FER: variants seen among roughly 807,000 people sequenced by gnomAD.
FER encodes FER tyrosine kinase.
In FER, 63 loss-of-function variants were observed where a neutral mutation model predicts 111.0. The observed-to-expected ratio is 0.57, with a 90% CI of 0.46 to 0.70. The LOEUF is 0.70. Ranked by LOEUF, FER falls within the 30% of genes least tolerant of loss-of-function variation. FER has a pLI of 0.00. For synonymous variants in FER, 327 were observed against 313.9 expected, an observed-to-expected ratio of 1.04 and a Z score of -0.44; for missense variants, 914 against 954.0, an observed-to-expected ratio of 0.96 and a Z score of 0.55.
chr5:109,182,642 T>G (rs1306966410), intron 18 of FER, among the ~76,000 whole-genome samples: 1 of 152,208 alleles, frequency 6.6e-6, no homozygotes, highest in South Asian at 2.1e-4. Context: ...TCTGCCAGAT[T>G]CTCTGTGTTA....
At chr5:109,088,179 C>T (rs528921361) in intron 16 of FER, among the ~76,000 whole-genome samples, 1 of 151,988 alleles carries the variant, frequency 6.6e-6, no homozygotes, top group East Asian at 1.9e-4. Context: ...AGAGAGAAAG[C>T]ATTTGATTCT....
At chr5:108,905,735 T>C (rs1311233654) in intron 10 of FER, among the ~76,000 whole-genome samples, 1 of 152,184 alleles carries the variant, frequency 6.6e-6, no homozygotes, top group African/African-American at 2.4e-5. Context: ...TTTTTTAAAC[T>C]TGTGTTTAGC....
chr5:109,144,393 G>A (rs1186635861), intron 17 of FER, among the ~76,000 whole-genome samples: 1 of 152,044 alleles, frequency 6.6e-6, no homozygotes, highest in South Asian at 2.1e-4. Flanking sequence ...TGGCTTCCTT[G>A]AGATCTGAGT....
intron 10 of FER, among the ~76,000 whole-genome samples, chr5:108,898,403 T>A (rs911307125): frequency 3.9e-5 from 6 of 152,082 alleles, no homozygotes; most frequent in Admixed American, 2.0e-4. Context: ...AAAGTCTTTC[T>A]TCTTCTCTCC....
chr5:109,034,198 G>GT (rs949090872), intron 13 of FER, among the ~76,000 whole-genome samples: 4 of 151,896 alleles, frequency 2.6e-5, no homozygotes, highest in African/African-American at 9.7e-5. Context: ...CTGTTCTTTT[G>GT]TTTTTTTCTG....
At chr5:108,974,248 T>G (rs1196690403) in intron 13 of FER, among the ~76,000 whole-genome samples, 2 of 152,108 alleles carry the variant, frequency 1.3e-5, no homozygotes, top group Non-Finnish European at 2.9e-5. Context: ...ATGATTGAGG[T>G]GATGAACCCC....
chr5:109,085,010 T>A (rs1313791993), intron 16 of FER, among the ~76,000 whole-genome samples: 1 of 151,862 alleles, frequency 6.6e-6, no homozygotes, highest in Non-Finnish European at 1.5e-5. Flanking sequence ...AATTGGATAG[T>A]CAAACTCCTC....
chr5:108,821,329 G>A (rs186893455), intron 3 of FER, among the ~76,000 whole-genome samples: 27 of 152,028 alleles, frequency 1.8e-4, no homozygotes, highest in East Asian at 7.7e-4. Flanking sequence ...TAAATGATCC[G>A]GGGAAAGAGA....
chr5:109,096,550 G>T (rs144208168), intron 16 of FER, among the ~76,000 whole-genome samples: 22 of 151,952 alleles, frequency 1.4e-4, no homozygotes, highest in African/African-American at 5.3e-4. Flanking sequence ...CAATCTTCAC[G>T]ATATTATGTG....
At chr5:108,785,250 C>A in intron 2 of FER, 1 of 573,366 alleles carries the variant, frequency 1.7e-6, no homozygotes, top group Non-Finnish European at 3.2e-6. Flanking sequence ...GATGGCCAGG[C>A]CATGCTGTGG....
At chr5:108,833,060 T>G in intron 4 of FER, 117 bp downstream of exon 4, 2 of 829,600 alleles carry the variant, frequency 2.4e-6, no homozygotes, top group Non-Finnish European at 3.7e-6. Context: ...AGAAATAGGT[T>G]TATGGTCTCT....
intron 13 of FER, among the ~76,000 whole-genome samples, chr5:108,961,356 G>A (rs76453327): frequency 0.047 from 7,086 of 152,064 alleles, 263 homozygotes; most frequent in South Asian, 0.11. Flanking sequence ...GTTTGACTAG[G>A]AATACAAAAT....
chr5:109,011,928 C>T (rs1004279830), intron 13 of FER, among the ~76,000 whole-genome samples: 2 of 152,210 alleles, frequency 1.3e-5, no homozygotes, highest in Non-Finnish European at 2.9e-5. Context: ...ACTATGAACA[C>T]TCATGCGTCA....
At chr5:108,851,888 G>T (rs1762576626) in intron 5 of FER, among the ~76,000 whole-genome samples, 1 of 152,164 alleles carries the variant, frequency 6.6e-6, no homozygotes, top group Non-Finnish European at 1.5e-5. Flanking sequence ...GAATGCTTCT[G>T]CTTTATCATA....
chr5:108,789,617 T>C (rs200670314), intron 2 of FER, among the ~76,000 whole-genome samples: 9 of 130,118 alleles, frequency 6.9e-5, no homozygotes, highest in African/African-American at 2.1e-4. Flanking sequence ...TCTTCTTCTT[T>C]TTTTTTTTTA....
intron 14 of FER, among the ~76,000 whole-genome samples, chr5:109,042,390 A>G (rs758904621): frequency 3.9e-5 from 6 of 152,042 alleles, no homozygotes; most frequent in Non-Finnish European, 7.4e-5. Context: ...CTTTAAAGCA[A>G]AGGTTTGCGT....
intron 13 of FER, among the ~76,000 whole-genome samples, chr5:108,967,759 C>CAAAAAAAAAAAAAAAAAAAAAAAAAAA (rs774855414): frequency 8.7e-5 from 3 of 34,474 alleles, no homozygotes; most frequent in Non-Finnish European, 5.7e-5. Flanking sequence ...GACTCCGTCT[C>CAAAAAAAAAAAAAAAAAAAAAAAAAAA]AAAAAAAAAA....
At chr5:109,136,324 TA>T (rs140541677) in intron 17 of FER, among the ~76,000 whole-genome samples, 2 of 151,438 alleles carry the variant, frequency 1.3e-5, no homozygotes, top group Non-Finnish European at 2.9e-5. Context: ...ATAAAAACAA[TA>T]AAAAAAGGAT....
chr5:108,962,856 C>A (rs921380995), intron 13 of FER, among the ~76,000 whole-genome samples: 3 of 152,100 alleles, frequency 2.0e-5, no homozygotes, highest in African/African-American at 7.2e-5. Context: ...GGTTAAGAGG[C>A]AGATCTGGAG....
Sources: allele counts gnomAD v4.1 joint callset (sites outside exome capture counted in the v4.1 genomes callset), GRCh38; gene constraint gnomAD v4.1.1; transcripts MANE v1.5; gene names NCBI Gene and HGNC (gene_info 2026-07-23, HGNC 2026-07-21).